Variants in SNX30 observed in about 807,000 individuals in gnomAD.
The protein encoded by SNX30 is sorting nexin family member 30.
A neutral mutation model predicts 46.4 loss-of-function variants in SNX30; 24 were observed. That is an observed-to-expected ratio of 0.52 (90% CI 0.37 to 0.73). SNX30 has a LOEUF of 0.73. Ranked by LOEUF, SNX30 falls within the 30% of genes least tolerant of loss-of-function variation. The pLI is 0.00. For synonymous variants in SNX30, 189 were observed against 211.5 expected (o/e 0.89, Z 0.92); for missense variants, 533 against 555.7 (o/e 0.96, Z 0.41).
At position 112,750,774 on chromosome 9, in the gene SNX30, A is replaced by C. The variant is rs895277930; in HGVS notation, c.-228A>C. ...GGCTGGGCGCCGCGGCCGTGCTGCC[A>C]GCGGACCCGCGGCGGGCTCGGGCGC... On this transcript the variant is annotated 5_prime_UTR_variant, in exon 1 of 9. Coordinates refer to ENST00000374232, the MANE Select transcript of SNX30 (RefSeq NM_001012994.2). The C allele has an allele frequency of 1.2e-5, 2 of 161,386 alleles. No individual in the cohort carries two copies. Among genetic ancestry groups the C allele is most frequent in the Non-Finnish European group, 2.5e-5 (2 of 79,536 alleles). The allele number at this position is 161,386 out of a possible 1,614,324, so 10.0% of individuals were successfully genotyped here.
chr9:112,849,998 T>C (rs1840998145), intron 6 of SNX30, among the ~76,000 whole-genome samples: 1 of 152,336 alleles, frequency 6.6e-6, no homozygotes, highest in Admixed American at 6.5e-5. Context: ...TCTGTTTTGC[T>C]TGGTGGGTTC....
At chr9:112,848,012 AG>A (rs1367198170) in intron 6 of SNX30, among the ~76,000 whole-genome samples, 2 of 152,212 alleles carry the variant, frequency 1.3e-5, no homozygotes, top group Admixed American at 6.5e-5. Context: ...GTCCCTGGCT[AG>A]ATGAATGAAG....
rs1369147131 is a variant in SNX30, at chr9:112,750,837, C to T, written c.-165C>T. The T allele has an allele frequency of 4.3e-6, 2 of 469,316 alleles. No individual in the cohort carries two copies. The highest frequency in any genetic ancestry group is 5.6e-6 in the Non-Finnish European group (2 of 355,240). The allele number at this position is 469,316 out of a possible 1,614,324, so 29.1% of individuals were successfully genotyped here. ...CGCGGCGCGGAGCGGAGCGTCTGAG[C>T]GCCGGCAGAGACCAGCCGGCGGGTG... On this transcript the variant is annotated 5_prime_UTR_variant, in exon 1 of 9. Coordinates refer to ENST00000374232, the MANE Select transcript of SNX30 (RefSeq NM_001012994.2).
Position 112,838,580 on chromosome 9 carries a change from G to C in SNX30, c.897G>C (p.Glu299Asp), listed in dbSNP as rs768694439. The change falls in exon 6 of 9, where the codon GAG becomes GAC. Residue 299 changes from glutamate to aspartate, a missense_variant. Around this residue, in one of 3 missense-constraint regions of SNX30, gnomAD observed 261 missense variants for 270.9 expected, o/e 0.96. Transcript: ENST00000374232. ...ALEGELAEPL[E>D]GVSACIGNCS... ...AGGGTGAGCTGGCTGAACCCCTGGA[G>C]GGTGTGTCAGCTTGCATTGGGAACT... The C allele has an allele frequency of 1.2e-6, 2 of 1,614,094 alleles. No homozygotes were observed. The highest frequency in any genetic ancestry group is 8.5e-7 in the Non-Finnish European group (1 of 1,180,030).
chr9:112,829,539 C>T (rs1840629593), intron 3 of SNX30, among the ~76,000 whole-genome samples: 1 of 152,260 alleles, frequency 6.6e-6, no homozygotes, highest in Non-Finnish European at 1.5e-5. Flanking sequence ...GCCTTGGCCT[C>T]CCAAAGTGCT....
chr9:112,777,199 C>T (rs766094810), intron 1 of SNX30, among the ~76,000 whole-genome samples: 4 of 152,090 alleles, frequency 2.6e-5, no homozygotes, highest in Non-Finnish European at 4.4e-5. Context: ...TTGATGGCAT[C>T]CGTTCCTGTT....
At chr9:112,758,219 C>A (rs893948337) in intron 1 of SNX30, among the ~76,000 whole-genome samples, 30 of 152,146 alleles carry the variant, frequency 2.0e-4, no homozygotes, top group Non-Finnish European at 2.8e-4. Flanking sequence ...CCTGCCACCC[C>A]CCATCCTCTT....
In SNX30 at chr9:112,771,890, G is replaced by A. The variant is rs193190422; in HGVS notation, c.156+20733G>A. 2.0e-5 allele frequency among the ~76,000 whole-genome samples: 3 copies of A among 152,302 alleles called. No individual in the cohort carries two copies. In the East Asian group the frequency reaches 5.8e-4, roughly 29 times the overall value. On this transcript the variant is annotated intron_variant, in intron 1 of 8. Coordinates refer to ENST00000374232, the MANE Select transcript of SNX30 (RefSeq NM_001012994.2). ...TCAGGTCAAATATGGGTGAATGTTG[G>A]CTTGTGGTGAGTTTTACCCTTTCCC...
downstream of SNX30, among the ~76,000 whole-genome samples, chr9:112,876,753 A>G (rs1841521848): frequency 6.6e-6 from 1 of 151,550 alleles, no homozygotes. Context: ...CCTAGCCAAC[A>G]TGGCGAAACC....
chr9:112,809,324 C>A (rs1236053115), intron 2 of SNX30, among the ~76,000 whole-genome samples: 4 of 152,056 alleles, frequency 2.6e-5, no homozygotes, highest in African/African-American at 9.7e-5. Flanking sequence ...AGGCGATCTG[C>A]CCACCTTGGT....
chr9:112,837,578 C>A (rs1014186746), intron 5 of SNX30, among the ~76,000 whole-genome samples: 3 of 151,988 alleles, frequency 2.0e-5, no homozygotes, highest in African/African-American at 7.3e-5. Flanking sequence ...CGGGTTCACG[C>A]CATTCTCCTG....
intron 1 of SNX30, among the ~76,000 whole-genome samples, chr9:112,753,115 A>T (rs66750115): frequency 6.6e-6 from 1 of 152,126 alleles, no homozygotes; most frequent in African/African-American, 2.4e-5. Context: ...CAGGGTGTGT[A>T]TACCAAGAGG....
At chr9:112,845,697 C>A (rs1005310276) in intron 6 of SNX30, among the ~76,000 whole-genome samples, 1 of 152,112 alleles carries the variant, frequency 6.6e-6, no homozygotes, top group African/African-American at 2.4e-5. Flanking sequence ...GAGAAGTGAC[C>A]CACAGATACT....
At chr9:112,831,231 C>CT (rs899582779) in intron 4 of SNX30, among the ~76,000 whole-genome samples, 1 of 151,248 alleles carries the variant, frequency 6.6e-6, no homozygotes, top group South Asian at 2.1e-4. Flanking sequence ...TAAAATTGGT[C>CT]TTTTTTTGGG....
intron 1 of SNX30, among the ~76,000 whole-genome samples, chr9:112,751,505 T>C (rs1693568494): frequency 6.6e-6 from 1 of 152,224 alleles, no homozygotes; most frequent in Admixed American, 6.5e-5. Context: ...CCCTGCAGGC[T>C]GAGCTGCTGC....
rs1841474231 is a variant in SNX30 at position 112,873,234 on chromosome 9, A to C, written c.*4391A>C. The C allele has an allele frequency of 6.6e-6, 1 of 152,214 alleles. No individual in the cohort carries two copies. The allele number at this position is 152,214 out of a possible 1,614,324, so 9.4% of individuals were successfully genotyped here. On this transcript the variant is annotated 3_prime_UTR_variant, in exon 9 of 9. Coordinates refer to ENST00000374232, the MANE Select transcript of SNX30 (RefSeq NM_001012994.2). ...TACTACTACAGAGAGTCTGTAAATA[A>C]GTGCTTTAAAAAAATAACAAACCAA...
downstream of SNX30, among the ~76,000 whole-genome samples, chr9:112,882,844 C>A (rs1841597707): frequency 6.6e-6 from 1 of 151,982 alleles, no homozygotes; most frequent in African/African-American, 2.4e-5. Flanking sequence ...TTTGGAAGTA[C>A]TTTAGGTTGC....
At chr9:112,816,616 G>A (rs1840399360) in intron 2 of SNX30, among the ~76,000 whole-genome samples, 1 of 152,188 alleles carries the variant, frequency 6.6e-6, no homozygotes, top group Non-Finnish European at 1.5e-5. Context: ...CACAGGTTTT[G>A]GGGAGGATGA....
Position 112,818,488 on chromosome 9 carries a change from C to T in SNX30, c.459+673C>T, listed in dbSNP as rs554532820. Among the ~76,000 whole-genome samples, 8 of 152,300 alleles carry T rather than the reference C, an allele frequency of 5.3e-5. No homozygotes were observed. The Middle Eastern group carries it at 0.01, about 194-fold the overall frequency. On this transcript the variant is annotated intron_variant, in intron 3 of 8. Transcript: ENST00000374232. ...CAGGTGATCCACCGACCTCAGCCTCCCAAAGTGCCGGGATTACGGGTGTGA... is the reference window on the plus strand; with the variant it reads ...CAGGTGATCCACCGACCTCAGCCTCTCAAAGTGCCGGGATTACGGGTGTGA...
Sources: gnomAD v4.1 joint callset for allele counts (sites outside exome capture counted in the v4.1 genomes callset) on GRCh38, gnomAD v4.1.1 for gene constraint, gnomAD v4.1.1 regional missense constraint, MANE v1.5 for transcripts, NCBI Gene and HGNC (gene_info 2026-07-23, HGNC 2026-07-21) for gene names.